The following MEI4 variants were observed in gnomAD, a reference collection of about 807,000 sequenced individuals.
MEI4 encodes meiosis-specific protein MEI4.
Under a neutral mutation model 31.4 loss-of-function variants are expected in MEI4, and 27 were observed. That is an observed-to-expected ratio of 0.86 (90% CI 0.63 to 1.19). The LOEUF is 1.19. MEI4 is among the 50% of genes most tolerant of loss of function. The pLI is 0.00. For synonymous variants in MEI4, 122 were observed against 145.4 expected (o/e 0.84, Z 1.16); for missense variants, 329 against 398.9 (o/e 0.82, Z 1.49).
chr6:77,727,400 C>T (rs772048311), intron 2 of MEI4, among the ~76,000 whole-genome samples: 8 of 152,146 alleles, frequency 5.3e-5, no homozygotes, highest in Non-Finnish European at 1.0e-4. Context: ...GAGATTATTT[C>T]CTTGGCAAAG....
chr6:77,680,180 G>T (rs2127648790), intron 1 of MEI4, among the ~76,000 whole-genome samples: 1 of 148,890 alleles, frequency 6.7e-6, no homozygotes, highest in Non-Finnish European at 1.5e-5. Context: ...TCAGGAGGCT[G>T]AGGCAGCAGA....
At chr6:77,744,403 A>C (rs977052011) in intron 2 of MEI4, among the ~76,000 whole-genome samples, 3 of 152,204 alleles carry the variant, frequency 2.0e-5, no homozygotes, top group African/African-American at 4.8e-5. Context: ...ATGAAGCGAC[A>C]AGAGAAGTTT....
At chr6:77,828,601 C>T (rs1375507024) in intron 3 of MEI4, among the ~76,000 whole-genome samples, 2 of 152,084 alleles carry the variant, frequency 1.3e-5, no homozygotes, top group Non-Finnish European at 2.9e-5. Flanking sequence ...GCTAATCTAT[C>T]TAAAAGGTAA....
intron 2 of MEI4, among the ~76,000 whole-genome samples, chr6:77,755,911 C>T (rs181391367): frequency 2.0e-5 from 3 of 151,454 alleles, no homozygotes; most frequent in Admixed American, 1.3e-4. Flanking sequence ...ATTGGAGAGA[C>T]ATTACCGCAA....
At chr6:77,697,834 G>C (rs563236196) in intron 2 of MEI4, among the ~76,000 whole-genome samples, 2 of 152,194 alleles carry the variant, frequency 1.3e-5, no homozygotes, top group East Asian at 1.9e-4. Flanking sequence ...TTAACTTTCT[G>C]TCTCATGATC....
intron 2 of MEI4, among the ~76,000 whole-genome samples, chr6:77,742,597 T>C (rs2127673316): frequency 6.6e-6 from 1 of 152,346 alleles, no homozygotes; most frequent in South Asian, 2.1e-4. Context: ...CGTAGTTTCT[T>C]TTGCTGTGCA....
intron 4 of MEI4, among the ~76,000 whole-genome samples, chr6:77,906,830 AAG>A (rs1766306738): frequency 6.6e-6 from 1 of 152,154 alleles, no homozygotes; most frequent in Non-Finnish European, 1.5e-5. Flanking sequence ...GAAGTCAAGA[AAG>A]AGAGGACAGG....
intron 3 of MEI4, among the ~76,000 whole-genome samples, chr6:77,791,362 T>C (rs1273227622): frequency 2.6e-5 from 4 of 151,600 alleles, no homozygotes; most frequent in African/African-American, 9.7e-5. Flanking sequence ...TAAAAAATGA[T>C]GAGTTCATGT....
At chr6:77,898,067 T>C (rs1243658034) in intron 4 of MEI4, among the ~76,000 whole-genome samples, 2 of 152,066 alleles carry the variant, frequency 1.3e-5, no homozygotes, top group East Asian at 3.9e-4. Context: ...ATTTTTTGAC[T>C]CTGTTCTTGA....
At chr6:77,674,296 A>T (rs1178015511) in intron 1 of MEI4, among the ~76,000 whole-genome samples, 2 of 152,174 alleles carry the variant, frequency 1.3e-5, no homozygotes, top group Non-Finnish European at 2.9e-5. Context: ...TGTGTATTAT[A>T]AAAAAGCGCA....
At chr6:77,676,026 A>G (rs1161654030) in intron 1 of MEI4, among the ~76,000 whole-genome samples, 2 of 152,170 alleles carry the variant, frequency 1.3e-5, no homozygotes, top group Non-Finnish European at 2.9e-5. Flanking sequence ...GCCAGGCCAG[A>G]TAGAACTTGT....
At chr6:77,733,954 T>A (rs938856678) in intron 2 of MEI4, among the ~76,000 whole-genome samples, 10 of 152,026 alleles carry the variant, frequency 6.6e-5, no homozygotes, top group Non-Finnish European at 1.2e-4. Flanking sequence ...GAGATTCTTA[T>A]TCCTGAGTTC....
At chr6:77,802,517 T>G (rs1386375582) in intron 3 of MEI4, among the ~76,000 whole-genome samples, 2 of 152,224 alleles carry the variant, frequency 1.3e-5, no homozygotes, top group African/African-American at 4.8e-5. Context: ...ATCATTATGA[T>G]GCTAGCTGGT....
rs74722285 is a variant in MEI4 at position 77,727,908 on chromosome 6, C to G, written c.233-33222C>G. On this transcript the variant is annotated intron_variant, in intron 2 of 4. Coordinates refer to ENST00000684080, the MANE Select transcript of MEI4 (RefSeq NM_001322247.2). Reference sequence around the variant, plus strand: ...TGATTGAAATCTCTGTCTCTTTGATCGTAACAGATGTACATTAGTTAGAGA... The same window carrying G: ...TGATTGAAATCTCTGTCTCTTTGATGGTAACAGATGTACATTAGTTAGAGA... Among the ~76,000 whole-genome samples, 1,186 of 150,866 alleles carry G rather than the reference C, an allele frequency of 7.9e-3. 19 individuals are homozygous for G. Among genetic ancestry groups the G allele is most frequent in the African/African-American group, 0.028 (1,137 of 41,332 alleles).
intron 1 of MEI4, among the ~76,000 whole-genome samples, chr6:77,654,646 A>C (rs1295090919): frequency 1.3e-5 from 2 of 151,214 alleles, no homozygotes; most frequent in Non-Finnish European, 2.9e-5. Flanking sequence ...GAAATACAGC[A>C]AGATATATTG....
intron 3 of MEI4, among the ~76,000 whole-genome samples, chr6:77,777,761 CCAA>C (rs1768490124): frequency 6.6e-6 from 1 of 151,746 alleles, no homozygotes; most frequent in South Asian, 2.1e-4. Flanking sequence ...CATGGGGGAA[CCAA>C]AGAGCAGGCA....
At chr6:77,761,732 T>C in intron 3 of MEI4, 67 bp downstream of exon 3, 1 of 1,067,186 alleles carries the variant, frequency 9.4e-7, no homozygotes, top group Non-Finnish European at 1.2e-6. Flanking sequence ...CTTTGGGTAA[T>C]GTCTGTTGTT....
chr6:77,904,461 C>T (rs1766249480), intron 4 of MEI4, among the ~76,000 whole-genome samples: 1 of 152,054 alleles, frequency 6.6e-6, no homozygotes, highest in Non-Finnish European at 1.5e-5. Flanking sequence ...ACTCTACTCC[C>T]ACCCCCCACT....
intron 3 of MEI4, among the ~76,000 whole-genome samples, chr6:77,774,582 G>T (rs1367895713): frequency 6.6e-6 from 1 of 151,970 alleles, no homozygotes; most frequent in African/African-American, 2.4e-5. Flanking sequence ...TTTTAAACAG[G>T]ATGAGAGGAA....
Sources: allele counts gnomAD v4.1 joint callset (sites outside exome capture counted in the v4.1 genomes callset), GRCh38; gene constraint gnomAD v4.1.1; transcripts MANE v1.5; gene names NCBI Gene and HGNC (gene_info 2026-07-23, HGNC 2026-07-21).